BACH2: variants seen among roughly 807,000 people sequenced by gnomAD.
BACH2 encodes the protein BACH transcriptional regulator 2, also known as transcription regulator protein BACH2.
In BACH2, 5 loss-of-function variants were observed where a neutral mutation model predicts 61.8. That is an observed-to-expected ratio of 0.08 (90% CI 0.04 to 0.17). The LOEUF is 0.17. Among genes scored for constraint, BACH2 ranks in the 10% least tolerant of loss-of-function variants. BACH2 has a pLI of 1.00. For synonymous variants in BACH2, 446 were observed against 440.1 expected, an observed-to-expected ratio of 1.01 and a Z score of -0.17; for missense variants, 824 against 1,091.1, an observed-to-expected ratio of 0.76 and a Z score of 3.45.
At chr6:90,024,868 G>A (rs1434810818) in intron 5 of BACH2, among the ~76,000 whole-genome samples, 2 of 152,188 alleles carry the variant, frequency 1.3e-5, no homozygotes, top group Non-Finnish European at 2.9e-5. Context: ...TCAGTACTGA[G>A]CAATAGTTCG....
At chr6:90,256,843 T>C (rs1770995945) in intron 2 of BACH2, among the ~76,000 whole-genome samples, 1 of 152,196 alleles carries the variant, frequency 6.6e-6, no homozygotes, top group African/African-American at 2.4e-5. Flanking sequence ...TACTTGTTCA[T>C]ACTACTTTGT....
At chr6:90,146,873 A>T (rs750444300) in intron 4 of BACH2, among the ~76,000 whole-genome samples, 1 of 152,240 alleles carries the variant, frequency 6.6e-6, no homozygotes, top group African/African-American at 2.4e-5. Context: ...AATGACGATT[A>T]AAACTATTCA....
intron 6 of BACH2, among the ~76,000 whole-genome samples, chr6:89,991,182 T>C (rs1213738046): frequency 6.6e-6 from 1 of 152,192 alleles, no homozygotes; most frequent in African/African-American, 2.4e-5. Context: ...TAAAACGGCT[T>C]AACACAGAGC....
intron 1 of BACH2, among the ~76,000 whole-genome samples, chr6:90,281,144 G>C (rs1452793326): frequency 6.6e-6 from 1 of 152,158 alleles, no homozygotes; most frequent in Non-Finnish European, 1.5e-5. Context: ...GATCTAAAGG[G>C]GACAGCTCTC....
intron 1 of BACH2, among the ~76,000 whole-genome samples, chr6:90,280,891 T>C (rs1272881678): frequency 6.6e-6 from 1 of 152,200 alleles, no homozygotes; most frequent in East Asian, 1.9e-4. Context: ...CTGCTTCCAC[T>C]TCTAGTGATG....
intron 4 of BACH2, among the ~76,000 whole-genome samples, chr6:90,188,397 T>C (rs1272542364): frequency 2.0e-5 from 3 of 152,202 alleles, no homozygotes; most frequent in African/African-American, 7.2e-5. Flanking sequence ...TAGTTTCAGT[T>C]TCAAATGATA....
chr6:90,230,194 G>C (rs541872338), intron 3 of BACH2, among the ~76,000 whole-genome samples: 1 of 152,330 alleles, frequency 6.6e-6, no homozygotes, highest in Non-Finnish European at 1.5e-5. Flanking sequence ...CTAGTTACTA[G>C]CTATGGCTCA....
At chr6:90,213,861 C>T (rs943838927) in intron 3 of BACH2, among the ~76,000 whole-genome samples, 3 of 152,122 alleles carry the variant, frequency 2.0e-5, no homozygotes, top group Non-Finnish European at 4.4e-5. Flanking sequence ...TCCTTTCATT[C>T]TCTCCTCTTC....
intron 4 of BACH2, among the ~76,000 whole-genome samples, chr6:90,163,154 A>C (rs1452948236): frequency 1.3e-5 from 2 of 152,228 alleles, no homozygotes; most frequent in African/African-American, 4.8e-5. Context: ...GATTTAAAAG[A>C]AAATATCTCG....
chr6:90,227,995 C>T (rs1769971475), intron 3 of BACH2, among the ~76,000 whole-genome samples: 1 of 152,192 alleles, frequency 6.6e-6, no homozygotes, highest in Admixed American at 6.5e-5. Flanking sequence ...AGAATTGTTC[C>T]ACTTGTAAAT....
At chr6:90,270,286 C>A (rs554436340) in intron 2 of BACH2, among the ~76,000 whole-genome samples, 1 of 152,014 alleles carries the variant, frequency 6.6e-6, no homozygotes, top group African/African-American at 2.4e-5. Flanking sequence ...ACTTTTAGTT[C>A]TTTAAGGAAT....
At chr6:90,226,375 C>A (rs991206457) in intron 3 of BACH2, among the ~76,000 whole-genome samples, 1 of 152,098 alleles carries the variant, frequency 6.6e-6, no homozygotes, top group African/African-American at 2.4e-5. Flanking sequence ...TGGTATGCTG[C>A]TAAATGTTTA....
rs540505636 is a variant in BACH2, at chr6:90,221,598, C to G, written c.-274-14917G>C. ...CTTAAGACGACACCTAATGGCAGAA[C>G]AGCAAGACAAATGCAATAATGGAGG... On this transcript the variant is annotated intron_variant, in intron 3 of 8. Coordinates refer to ENST00000257749, the MANE Select transcript of BACH2 (RefSeq NM_021813.4). Among the ~76,000 whole-genome samples the G allele has an allele frequency of 1.6e-4, 25 of 152,212 alleles. 1 individual carries two copies. In the South Asian group the frequency reaches 5.2e-3, roughly 32 times the overall value.
chr6:90,228,130 C>T (rs1235624027), intron 3 of BACH2, among the ~76,000 whole-genome samples: 2 of 152,264 alleles, frequency 1.3e-5, no homozygotes, highest in African/African-American at 4.8e-5. Context: ...TACACTTCTG[C>T]TTTAATATAC....
At chr6:89,994,307 G>A (rs1227099147) in intron 6 of BACH2, among the ~76,000 whole-genome samples, 1 of 152,100 alleles carries the variant, frequency 6.6e-6, no homozygotes, top group Non-Finnish European at 1.5e-5. Context: ...AAAAACATAC[G>A]AGTTATTTCC....
At chr6:90,097,554 G>A (rs550259260) in intron 4 of BACH2, among the ~76,000 whole-genome samples, 89 of 152,166 alleles carry the variant, frequency 5.8e-4, no homozygotes, top group Non-Finnish European at 1.0e-3. Context: ...TTCATACCAC[G>A]TGTGGGAAAG....
chr6:90,029,743 C>A (rs1778854279), intron 5 of BACH2, among the ~76,000 whole-genome samples: 1 of 152,182 alleles, frequency 6.6e-6, no homozygotes, highest in Non-Finnish European at 1.5e-5. Flanking sequence ...CTCCTTCCAG[C>A]CTGTTTCTTC....
At chr6:90,029,689 C>T (rs1203054729) in intron 5 of BACH2, among the ~76,000 whole-genome samples, 1 of 152,140 alleles carries the variant, frequency 6.6e-6, no homozygotes, top group East Asian at 1.9e-4. Flanking sequence ...AAGACTTTTC[C>T]TAATCCCAAC....
intron 6 of BACH2, among the ~76,000 whole-genome samples, chr6:89,969,539 G>T (rs922437191): frequency 6.6e-6 from 1 of 152,132 alleles, no homozygotes; most frequent in African/African-American, 2.4e-5. Context: ...GCAGGTGGGG[G>T]ACAGAGAGCG....
Sources: allele counts gnomAD v4.1 joint callset (sites outside exome capture counted in the v4.1 genomes callset), GRCh38; gene constraint gnomAD v4.1.1; transcripts MANE v1.5; gene names NCBI Gene and HGNC (gene_info 2026-07-23, HGNC 2026-07-21).